CTNNA3: variants seen among roughly 807,000 people sequenced by gnomAD.
CTNNA3 encodes the protein catenin alpha 3, also known as catenin alpha-3.
A neutral mutation model predicts 95.7 loss-of-function variants in CTNNA3; 76 were observed. That is an observed-to-expected ratio of 0.79 (90% CI 0.66 to 0.96). The LOEUF is 0.96. Among genes scored for constraint, CTNNA3 ranks in the 40% least tolerant of loss-of-function variants. The probability of loss-of-function intolerance (pLI) is 0.00; values close to 1 mark genes in which losing one functional copy is unlikely to be tolerated. For missense variants in CTNNA3, 1,191 were observed against 1,089.8 expected (o/e 1.09, Z -1.31); for synonymous variants, 431 against 374.4 (o/e 1.15, Z -1.74).
chr10:66,928,456 T>C, intron 7 of CTNNA3: 1 of 1,579,972 alleles, frequency 6.3e-7, no homozygotes, highest in Non-Finnish European at 8.6e-7. Flanking sequence ...GTGTGAGGTA[T>C]GAACCATTGT....
At chr10:67,760,138 A>G (rs947189232) in intron 1 of CTNNA3, among the ~76,000 whole-genome samples, 4 of 152,232 alleles carry the variant, frequency 2.6e-5, no homozygotes, top group Non-Finnish European at 5.9e-5. Flanking sequence ...GTAAAGTTTC[A>G]TCCAATGGCA....
At chr10:66,823,671 T>C (rs2132298494) in intron 7 of CTNNA3, among the ~76,000 whole-genome samples, 1 of 152,304 alleles carries the variant, frequency 6.6e-6, no homozygotes, top group South Asian at 2.1e-4. Context: ...ATAACAATAG[T>C]TAATGTTTAT....
At chr10:66,284,988 G>T (rs2132172011) in intron 12 of CTNNA3, among the ~76,000 whole-genome samples, 1 of 151,612 alleles carries the variant, frequency 6.6e-6, no homozygotes, top group Non-Finnish European at 1.5e-5. Flanking sequence ...TTAATATTTA[G>T]GGAGCCAATA....
In CTNNA3 at chr10:67,607,067, C is replaced by G; in HGVS notation, c.100-18G>C. ...GTGGTAACCTAAAATTGGAAAAATA[C>G]AAAGTACTAAATTGACAAATTGTAA... On this transcript the variant is annotated intron_variant, in intron 2 of 17. Transcript: ENST00000433211. 6.3e-7 allele frequency: 1 copy of G among 1,581,502 alleles called. No homozygotes were observed. The highest frequency in any genetic ancestry group is 8.7e-7 in the Non-Finnish European group (1 of 1,155,666).
chr10:67,537,905 A>T (rs1192869199), intron 4 of CTNNA3, among the ~76,000 whole-genome samples: 6 of 152,126 alleles, frequency 3.9e-5, no homozygotes, highest in Non-Finnish European at 5.9e-5. Flanking sequence ...TGACACCTAC[A>T]AATCCACTAG....
At chr10:67,396,434 T>C (rs1358171515) in intron 5 of CTNNA3, among the ~76,000 whole-genome samples, 1 of 152,182 alleles carries the variant, frequency 6.6e-6, no homozygotes, top group Non-Finnish European at 1.5e-5. Flanking sequence ...AATTTGATCA[T>C]GTTTTATTAT....
At chr10:66,668,012 C>G (rs951538446) in intron 9 of CTNNA3, among the ~76,000 whole-genome samples, 1 of 152,146 alleles carries the variant, frequency 6.6e-6, no homozygotes, top group African/African-American at 2.4e-5. Context: ...TACTCACTAT[C>G]AAATCAGATT....
chr10:67,122,533 A>G (rs1452466409), intron 7 of CTNNA3, among the ~76,000 whole-genome samples: 2 of 152,016 alleles, frequency 1.3e-5, no homozygotes, highest in African/African-American at 2.4e-5. Context: ...TGCAAAGTCT[A>G]TTTTCTTTTT....
chr10:67,332,576 C>G (rs1841836153), intron 5 of CTNNA3, among the ~76,000 whole-genome samples: 1 of 152,188 alleles, frequency 6.6e-6, no homozygotes, highest in Non-Finnish European at 1.5e-5. Context: ...TTGACCTAAA[C>G]AACACTTACC....
At position 66,309,345 on chromosome 10, in the gene CTNNA3, C is replaced by G. The variant is rs73303404; in HGVS notation, c.1733-28724G>C. 6.1e-3 allele frequency among the ~76,000 whole-genome samples: 934 copies of G among 152,128 alleles called. 13 individuals carry two copies. The highest frequency in any genetic ancestry group is 0.021 in the African/African-American group (882 of 41,512). ...ACACACAGACATACACACAAATAGACGCTTCTAATAACACCTTTTTTTTCG... is the reference window on the plus strand; with the variant it reads ...ACACACAGACATACACACAAATAGAGGCTTCTAATAACACCTTTTTTTTCG... On this transcript the variant is annotated intron_variant, in intron 12 of 17. Coordinates refer to ENST00000433211, the MANE Select transcript of CTNNA3 (RefSeq NM_013266.4).
intron 5 of CTNNA3, among the ~76,000 whole-genome samples, chr10:67,246,439 T>C (rs1406069928): frequency 6.6e-6 from 1 of 152,158 alleles, no homozygotes; most frequent in Non-Finnish European, 1.5e-5. Context: ...CCCCAGAAGG[T>C]TGGTGTTTGC....
chr10:66,021,852 C>CTTTTTTTTTTTGTTTTTTTTTTTTTTTTT (rs10648601), intron 15 of CTNNA3, among the ~76,000 whole-genome samples: 1 of 75,952 alleles, frequency 1.3e-5, no homozygotes, highest in Non-Finnish European at 2.4e-5. Flanking sequence ...AGGATCTTGG[C>CTTTTTTTTTTTGTTTTTTTTTTTTTTTTT]TTTTTTTTTT....
intron 15 of CTNNA3, among the ~76,000 whole-genome samples, chr10:66,019,443 C>A (rs200785817): frequency 0.031 from 4,732 of 152,042 alleles, 106 homozygotes; most frequent in East Asian, 0.066. Flanking sequence ...GAATCAGATC[C>A]CCCCCAAAAG....
intron 13 of CTNNA3, among the ~76,000 whole-genome samples, chr10:66,212,951 G>C (rs543357672): frequency 7.6e-4 from 115 of 152,266 alleles, no homozygotes; most frequent in South Asian, 2.3e-3. Flanking sequence ...TGGAGGCGGA[G>C]GTTGCAGTGA....
rs927658941 is a variant in CTNNA3 at position 67,053,776 on chromosome 10, A to C, written c.1047+126541T>G. ...AACGAATTCTGCTAAAGGAATTGCA[A>C]GATGGAATTGACTCATTTTCCCATT... On this transcript the variant is annotated intron_variant, in intron 7 of 17. Coordinates refer to ENST00000433211, the MANE Select transcript of CTNNA3 (RefSeq NM_013266.4). 1.6e-4 allele frequency among the ~76,000 whole-genome samples: 24 copies of C among 152,322 alleles called. 1 individual carries two copies. Among genetic ancestry groups the C allele is most frequent in the Non-Finnish European group, 3.5e-4 (24 of 68,016 alleles).
intron 7 of CTNNA3, among the ~76,000 whole-genome samples, chr10:66,965,189 T>C (rs1007822323): frequency 3.9e-5 from 6 of 152,134 alleles, no homozygotes; most frequent in African/African-American, 1.4e-4. Flanking sequence ...ATTTAGGTAC[T>C]AGTCTCCTCC....
intron 7 of CTNNA3, among the ~76,000 whole-genome samples, chr10:66,797,420 A>AC (rs1215641836): frequency 1.4e-5 from 2 of 147,022 alleles, no homozygotes; most frequent in Admixed American, 6.8e-5. Context: ...AAAAAAAAAA[A>AC]AACCCACATT....
chr10:67,616,427 G>A (rs1268364482), intron 2 of CTNNA3, among the ~76,000 whole-genome samples: 1 of 152,220 alleles, frequency 6.6e-6, no homozygotes, highest in African/African-American at 2.4e-5. Flanking sequence ...TAGAAGAAGG[G>A]AAAGCAGTTA....
At chr10:66,251,157 C>G (rs2090536081) in intron 13 of CTNNA3, among the ~76,000 whole-genome samples, 1 of 152,166 alleles carries the variant, frequency 6.6e-6, no homozygotes, top group Admixed American at 6.6e-5. Flanking sequence ...TAGAGGCTCT[C>G]CAGAAAGAGT....
Sources: allele counts gnomAD v4.1 joint callset (sites outside exome capture counted in the v4.1 genomes callset), GRCh38; gene constraint gnomAD v4.1.1; transcripts MANE v1.5; gene names NCBI Gene and HGNC (gene_info 2026-07-23, HGNC 2026-07-21).